Variants in GRIP2 observed in about 807,000 individuals in gnomAD.
GRIP2 encodes glutamate receptor interacting protein 2.
Under a neutral mutation model 108.3 loss-of-function variants are expected in GRIP2, and 58 were observed. That is an observed-to-expected ratio of 0.54 (90% CI 0.43 to 0.67). The LOEUF (loss-of-function observed/expected upper bound fraction) is 0.67, where lower values mean the gene tolerates loss of function less well. Among genes scored for constraint, GRIP2 ranks in the 30% least tolerant of loss-of-function variants. GRIP2 has a pLI of 0.00. For synonymous variants in GRIP2, 586 were observed against 598.2 expected (o/e 0.98, Z 0.30); for missense variants, 1,278 against 1,430.6 (o/e 0.89, Z 1.72).
upstream of GRIP2, among the ~76,000 whole-genome samples, chr3:14,543,484 G>A (rs1006602688): frequency 6.6e-6 from 1 of 152,260 alleles, no homozygotes; most frequent in Admixed American, 6.5e-5. Context: ...TTTCCGTCTG[G>A]GAGGCGGCCT....
At chr3:14,530,261 A>G (rs1694674107) in intron 1 of GRIP2, among the ~76,000 whole-genome samples, 1 of 152,220 alleles carries the variant, frequency 6.6e-6, no homozygotes, top group African/African-American at 2.4e-5. Flanking sequence ...GGAAAGTACA[A>G]GGTAGCTTTT....
Position 14,506,910 on chromosome 3 carries a change from G to T in GRIP2, c.2289C>A (p.Ala763=). Reference sequence around the variant, plus strand: ...GGGCTGCTGGCAGGCCTCCTTTCAGGGCATCTGCTGGGTCCTCATCAGCAT... The same window carrying T: ...GGGCTGCTGGCAGGCCTCCTTTCAGTGCATCTGCTGGGTCCTCATCAGCAT... ...TSDADEDPAD[A]LKGGLPAARF... Residue 763 remains alanine, a synonymous_variant, in exon 19 of 24, where the codon GCC becomes GCA. Transcript: ENST00000621039. 1 of 1,606,482 alleles carries T rather than the reference G, an allele frequency of 6.2e-7. No homozygotes were observed. The highest frequency in any genetic ancestry group is 8.5e-7 in the Non-Finnish European group (1 of 1,176,678).
At chr3:14,576,550 A>T in the GRIP2 span, among the ~76,000 whole-genome samples, 33 of 152,222 alleles carry the variant, frequency 2.2e-4, no homozygotes, top group Non-Finnish European at 4.4e-4. Flanking sequence ...GCCATGGAAG[A>T]CTTTGAACTT....
chr3:14,556,092 G>A (rs79245673), upstream of GRIP2: 998 of 397,928 alleles, frequency 2.5e-3, 14 homozygotes, highest in East Asian at 0.033. Context: ...CCGCCCTCCC[G>A]GAGTTGCTAA....
At chr3:14,537,965 T>C (rs541728702) in intron 1 of GRIP2, among the ~76,000 whole-genome samples, 1 of 152,300 alleles carries the variant, frequency 6.6e-6, no homozygotes, top group East Asian at 1.9e-4. Context: ...AGGCCTACTG[T>C]GTGCCCCAGC....
intron 21 of GRIP2, among the ~76,000 whole-genome samples, chr3:14,503,137 C>T (rs1693811144): frequency 6.6e-6 from 1 of 152,228 alleles, no homozygotes; most frequent in African/African-American, 2.4e-5. Flanking sequence ...CACGCTTCTA[C>T]AGGGCATGCC....
rs1181464724 is a variant in GRIP2 at position 14,525,472 on chromosome 3, C to T, written c.222G>A (p.Arg74=). The T allele has an allele frequency of 1.2e-6, 2 of 1,613,268 alleles. No homozygotes were observed. Among genetic ancestry groups the T allele is most frequent in the South Asian group, 2.2e-5 (2 of 91,054 alleles). ...SGGTDKDGKP[R]VSNLRPGGLA... ...GTCCCCCAGGTCTCAGGTTGGAGACCCTGGGCTTTCCATCCTTGTCGGTGC... is the reference window on the plus strand; with the variant it reads ...GTCCCCCAGGTCTCAGGTTGGAGACTCTGGGCTTTCCATCCTTGTCGGTGC... The change falls in exon 3 of 24, where the codon AGG becomes AGA. Residue 74 remains arginine (R), a synonymous_variant. Coordinates refer to ENST00000621039, the MANE Select transcript of GRIP2 (RefSeq NM_001080423.4).
the GRIP2 span, among the ~76,000 whole-genome samples, chr3:14,593,562 G>C: frequency 6.6e-6 from 1 of 152,222 alleles, no homozygotes; most frequent in African/African-American, 2.4e-5. Context: ...AGATGACCCT[G>C]AACATGGGTT....
In GRIP2 at chr3:14,521,772, C is replaced by T; in HGVS notation, c.582G>A (p.Lys194=). The T allele has an allele frequency of 6.2e-7, 1 of 1,601,872 alleles. No homozygotes were observed. The change falls in exon 7 of 24, where the codon AAG becomes AAA. Residue 194 remains lysine, a synonymous_variant. Coordinates refer to ENST00000621039, the MANE Select transcript of GRIP2 (RefSeq NM_001080423.4). The surrounding 1 kb of genome is among the most constrained non-coding windows in gnomAD (Gnocchi z 5.1). Reference sequence around the variant, plus strand: ...CGACACTGAGCAGCCTGTCGCCCACCTTCAGGGAGCCCTCCCTGTAGGGAA... The same window carrying T: ...CGACACTGAGCAGCCTGTCGCCCACTTTCAGGGAGCCCTCCCTGTAGGGAA... ...GGPADREGSL[K]VGDRLLSVDG...
At chr3:14,586,361 G>C in the GRIP2 span, among the ~76,000 whole-genome samples, 1 of 152,234 alleles carries the variant, frequency 6.6e-6, no homozygotes, top group Non-Finnish European at 1.5e-5. Context: ...CCAGCACTTA[G>C]TGACTGGCAT....
At chr3:14,532,749 C>T (rs1228695749) in intron 1 of GRIP2, among the ~76,000 whole-genome samples, 2 of 151,330 alleles carry the variant, frequency 1.3e-5, no homozygotes, top group Admixed American at 1.3e-4. Context: ...TGGGCGCAGA[C>T]TGAGTCGGAG....
chr3:14,557,725 G>A (rs1461887832), upstream of GRIP2, among the ~76,000 whole-genome samples: 1 of 152,278 alleles, frequency 6.6e-6, no homozygotes, highest in East Asian at 1.9e-4. Context: ...CTCCTCTGCA[G>A]TTGAGAGGCG....
intron 20 of GRIP2, among the ~76,000 whole-genome samples, chr3:14,504,838 T>C (rs1693873687): frequency 6.6e-6 from 1 of 152,138 alleles, no homozygotes; most frequent in East Asian, 1.9e-4. Context: ...GAGCTGGAGA[T>C]TCATTCGCAA....
chr3:14,597,895 C>T, the GRIP2 span, among the ~76,000 whole-genome samples: 1 of 152,294 alleles, frequency 6.6e-6, no homozygotes, highest in Non-Finnish European at 1.5e-5. Context: ...TACAAGGAGA[C>T]ATTTAAAATC....
At chr3:14,523,489 G>A (rs779316387) in intron 5 of GRIP2, 123 bp downstream of exon 5, 4 of 709,878 alleles carry the variant, frequency 5.6e-6, no homozygotes, top group African/African-American at 1.8e-5. Context: ...TAACGGTCCT[G>A]TGTTCTTCAA....
At chr3:14,526,041 T>C in intron 1 of GRIP2, 110 bp from the exon 2 acceptor site, 1 of 883,234 alleles carries the variant, frequency 1.1e-6, no homozygotes, top group Non-Finnish European at 1.8e-6. Context: ...TAAGATGGGT[T>C]CCCTCCTGCC....
At chr3:14,554,141 T>C (rs986812752) in intron 1 of GRIP2, among the ~76,000 whole-genome samples, 31 of 152,054 alleles carry the variant, frequency 2.0e-4, no homozygotes, top group Non-Finnish European at 5.9e-5. Context: ...CACTGCAATC[T>C]CAGAAGGGCA....
At chr3:14,517,297 C>T in intron 10 of GRIP2, 84 bp from the exon 11 acceptor site, 1 of 1,381,180 alleles carries the variant, frequency 7.2e-7, no homozygotes, top group Non-Finnish European at 9.6e-7. Flanking sequence ...AGCCACCCAA[C>T]CACAGGGAGA....
At chr3:14,558,437 G>A (rs368549617), upstream of GRIP2, among the ~76,000 whole-genome samples, 3 of 152,064 alleles carry the variant, frequency 2.0e-5, no homozygotes, top group South Asian at 2.1e-4. Context: ...GGATGAGGCC[G>A]CTTCCTAGCT....
Sources: allele counts gnomAD v4.1 joint callset (sites outside exome capture counted in the v4.1 genomes callset), GRCh38; gene constraint gnomAD v4.1.1; non-coding constraint Gnocchi (gnomAD v3.1); transcripts MANE v1.5; gene names NCBI Gene and HGNC (gene_info 2026-07-23, HGNC 2026-07-21).